SEMA3A: variants seen among roughly 807,000 people sequenced by gnomAD.
The protein encoded by SEMA3A is semaphorin 3A.
A neutral mutation model predicts 97.9 loss-of-function variants in SEMA3A; 29 were observed. The ratio of observed to expected loss-of-function variants is 0.30; its 90% CI spans 0.22 to 0.40. SEMA3A has a LOEUF of 0.40. Among genes scored for constraint, SEMA3A ranks in the 10% least tolerant of loss-of-function variants. The probability of loss-of-function intolerance (pLI) is 1.00; values close to 1 mark genes in which losing one functional copy is unlikely to be tolerated. For missense variants in SEMA3A, 763 were observed against 951.3 expected (o/e 0.80, Z 2.60); for synonymous variants, 321 against 323.7 (o/e 0.99, Z 0.09).
intron 2 of SEMA3A, among the ~76,000 whole-genome samples, chr7:84,358,896 G>C (rs972813408): frequency 6.6e-6 from 1 of 152,138 alleles, no homozygotes; most frequent in Non-Finnish European, 1.5e-5. Flanking sequence ...TCTCTTTGAA[G>C]CAATTGTGAA....
At chr7:84,266,528 A>C (rs1800008234) in intron 3 of SEMA3A, among the ~76,000 whole-genome samples, 1 of 152,000 alleles carries the variant, frequency 6.6e-6, no homozygotes, top group East Asian at 1.9e-4. Context: ...AGTTAACAAA[A>C]ATATAAAAAA....
At chr7:84,245,284 G>A (rs56231816) in intron 3 of SEMA3A, among the ~76,000 whole-genome samples, 29,289 of 151,652 alleles carry the variant, frequency 0.19, 3,657 homozygotes, top group Non-Finnish European at 0.29. Flanking sequence ...GGCTTTGTTC[G>A]TTCCTTTTCA....
At chr7:84,132,573 C>T (rs1467035677) in intron 2 of SEMA3A, among the ~76,000 whole-genome samples, 2 of 145,384 alleles carry the variant, frequency 1.4e-5, no homozygotes, top group Admixed American at 7.0e-5. Flanking sequence ...ATGAATATCA[C>T]AAAATGATAA....
At chr7:84,385,362 G>A (rs1803371093) in intron 1 of SEMA3A, among the ~76,000 whole-genome samples, 1 of 152,132 alleles carries the variant, frequency 6.6e-6, no homozygotes, top group Non-Finnish European at 1.5e-5. Flanking sequence ...GTACCCATCA[G>A]AACTGGGTTT....
At chr7:84,290,445 T>C (rs2115781642) in intron 3 of SEMA3A, among the ~76,000 whole-genome samples, 1 of 151,640 alleles carries the variant, frequency 6.6e-6, no homozygotes, top group Non-Finnish European at 1.5e-5. Flanking sequence ...AGTTGTTTTT[T>C]TTTTCCTATT....
At chr7:84,364,798 G>A (rs1255786967) in intron 2 of SEMA3A, among the ~76,000 whole-genome samples, 1 of 150,976 alleles carries the variant, frequency 6.6e-6, no homozygotes, top group African/African-American at 2.4e-5. Context: ...GGTCAGGCAG[G>A]CCCTGAGGCC....
chr7:84,405,703 C>A (rs1008832560), intron 1 of SEMA3A, among the ~76,000 whole-genome samples: 3 of 152,166 alleles, frequency 2.0e-5, no homozygotes, highest in African/African-American at 7.2e-5. Flanking sequence ...GTCTCTCAGA[C>A]CACAGTGCAA....
chr7:84,378,573 G>A lies in SEMA3A; in HGVS notation c.-245-6673C>T, dbSNP rs370215158. Among the ~76,000 whole-genome samples, 4 of 152,236 alleles carry A rather than the reference G, an allele frequency of 2.6e-5. No homozygotes were observed. The East Asian group carries it at 5.8e-4, about 22-fold the overall frequency. On this transcript the variant is annotated intron_variant, in intron 1 of 3. Transcript: ENST00000424555. ...GGGCCTTTCGGGGTGTTGGGGGCAA[G>A]GGGACGGATAGCATTAGGAGAAATA...
chr7:83,993,187 CT>C (rs1309069964), intron 12 of SEMA3A, among the ~76,000 whole-genome samples: 1 of 130,692 alleles, frequency 7.7e-6, no homozygotes, highest in East Asian at 2.3e-4. Context: ...TTCCTCCATC[CT>C]TTTATTTTGA....
At chr7:83,991,488 C>T (rs191726613) in intron 12 of SEMA3A, among the ~76,000 whole-genome samples, 5,722 of 149,836 alleles carry the variant, frequency 0.038, 212 homozygotes, top group East Asian at 0.21. Context: ...TTTTGAAATA[C>T]GTCCCATCAA....
intron 9 of SEMA3A, among the ~76,000 whole-genome samples, chr7:84,007,766 C>T (rs1310717140): frequency 6.6e-6 from 1 of 152,004 alleles, no homozygotes; most frequent in African/African-American, 2.4e-5. Flanking sequence ...ACATAGAGTA[C>T]TAAGTTTTGA....
At chr7:84,340,678 G>T (rs530976634) in intron 2 of SEMA3A, among the ~76,000 whole-genome samples, 1 of 151,554 alleles carries the variant, frequency 6.6e-6, no homozygotes, top group African/African-American at 2.4e-5. Context: ...TACTCAGGAG[G>T]CTGGGGCAGG....
In SEMA3A at chr7:84,378,154, T is replaced by C. The variant is rs556252124; in HGVS notation, c.-245-6254A>G. On this transcript the variant is annotated intron_variant, in intron 1 of 3. Coordinates refer to the SEMA3A transcript ENST00000424555. Reference sequence around the variant, plus strand: ...ATGGATAAAATCTAATTTTCCAATATTTCTGGGTAAATGAAGTTATCCATA... The same window carrying C: ...ATGGATAAAATCTAATTTTCCAATACTTCTGGGTAAATGAAGTTATCCATA... Among the ~76,000 whole-genome samples the C allele has an allele frequency of 2.0e-5, 3 of 152,218 alleles. No individual in the cohort carries two copies. In the East Asian group the frequency reaches 5.8e-4, roughly 29 times the overall value.
chr7:84,320,637 G>A (rs1378736031), intron 2 of SEMA3A, among the ~76,000 whole-genome samples: 1 of 126,046 alleles, frequency 7.9e-6, no homozygotes, highest in Non-Finnish European at 1.7e-5. Context: ...GGAAGTTTTA[G>A]TGTACTTGAG....
chr7:84,384,594 A>C (rs1803353848), intron 1 of SEMA3A, among the ~76,000 whole-genome samples: 1 of 152,194 alleles, frequency 6.6e-6, no homozygotes, highest in Non-Finnish European at 1.5e-5. Flanking sequence ...TGACATCCCC[A>C]GGCCAGTATC....
intron 4 of SEMA3A, among the ~76,000 whole-genome samples, chr7:84,099,693 A>G (rs1794897028): frequency 6.6e-6 from 1 of 152,154 alleles, no homozygotes; most frequent in Non-Finnish European, 1.5e-5. Flanking sequence ...CACCTCAGTT[A>G]TATTTCATCT....
intron 6 of SEMA3A, among the ~76,000 whole-genome samples, chr7:84,019,576 A>G (rs926099524): frequency 6.6e-6 from 1 of 152,114 alleles, no homozygotes; most frequent in Non-Finnish European, 1.5e-5. Context: ...TATCCTGAAA[A>G]TAAACTTCCA....
intron 5 of SEMA3A, among the ~76,000 whole-genome samples, chr7:84,058,771 A>G (rs1162922794): frequency 6.6e-6 from 1 of 152,260 alleles, no homozygotes; most frequent in East Asian, 1.9e-4. Context: ...CTTTCTAGCC[A>G]CGTCCTCTTC....
intron 1 of SEMA3A, among the ~76,000 whole-genome samples, chr7:84,161,311 C>A (rs1797027155): frequency 6.6e-6 from 1 of 151,858 alleles, no homozygotes; most frequent in Non-Finnish European, 1.5e-5. Flanking sequence ...TTGCAGTTAG[C>A]CAGGATCACG....
Sources: allele counts gnomAD v4.1 joint callset (sites outside exome capture counted in the v4.1 genomes callset), GRCh38; gene constraint gnomAD v4.1.1; transcripts MANE v1.5; gene names NCBI Gene and HGNC (gene_info 2026-07-23, HGNC 2026-07-21).